SORL1: variants seen among roughly 807,000 people sequenced by gnomAD.
SORL1 encodes the protein sortilin-related receptor.
A neutral mutation model predicts 273.7 loss-of-function variants in SORL1; 127 were observed. That is an observed-to-expected ratio of 0.46 (90% CI 0.40 to 0.54). SORL1 has a LOEUF of 0.54. Ranked by LOEUF, SORL1 falls within the 20% of genes least tolerant of loss-of-function variation. The pLI is 0.00. For synonymous variants in SORL1, 1,031 were observed against 1,067.4 expected (o/e 0.97, Z 0.66); for missense variants, 2,494 against 2,846.1 (o/e 0.88, Z 2.81).
chr11:121,606,282 C>T (rs1863471618), intron 35 of SORL1, among the ~76,000 whole-genome samples: 1 of 152,142 alleles, frequency 6.6e-6, no homozygotes, highest in Non-Finnish European at 1.5e-5. Context: ...TTCCTCGCCT[C>T]CTCCCTACTT....
intron 1 of SORL1, among the ~76,000 whole-genome samples, chr11:121,458,012 G>A (rs1369887323): frequency 6.6e-6 from 1 of 152,220 alleles, no homozygotes; most frequent in Non-Finnish European, 1.5e-5. Flanking sequence ...CATCTTCATA[G>A]TGTCATTGTT....
At chr11:121,589,467 C>A in intron 29 of SORL1, 77 bp downstream of exon 29, 1 of 1,560,654 alleles carries the variant, frequency 6.4e-7, no homozygotes. Context: ...GGACACTCAC[C>A]GGCAACCCCA....
intron 28 of SORL1, 33 bp downstream of exon 28, chr11:121,588,184 G>A (rs373105925): frequency 2.3e-4 from 374 of 1,609,330 alleles, no homozygotes; most frequent in South Asian, 5.4e-4. Context: ...GGTGACTCAC[G>A]GTCACTAAAG....
At chr11:121,528,790 G>A (rs1862160272) in intron 11 of SORL1, among the ~76,000 whole-genome samples, 1 of 152,194 alleles carries the variant, frequency 6.6e-6, no homozygotes, top group African/African-American at 2.4e-5. Flanking sequence ...CCAGCCTGTG[G>A]TCTATATTGT....
At chr11:121,533,717 G>T (rs2134873280) in intron 12 of SORL1, among the ~76,000 whole-genome samples, 1 of 152,292 alleles carries the variant, frequency 6.6e-6, no homozygotes, top group African/African-American at 2.4e-5. Flanking sequence ...TTTGGAAAAA[G>T]AGATCTTAGC....
intron 7 of SORL1, 71 bp from the exon 8 acceptor site, chr11:121,514,081 C>CA: frequency 6.7e-7 from 1 of 1,484,714 alleles, no homozygotes; most frequent in South Asian, 1.3e-5. Flanking sequence ...TCATTGCTTC[C>CA]GTGTGTATAG....
intron 11 of SORL1, among the ~76,000 whole-genome samples, 193 bp from the exon 12 acceptor site, chr11:121,532,271 T>G (rs1353737095): frequency 2.6e-5 from 4 of 152,276 alleles, no homozygotes; most frequent in Non-Finnish European, 5.9e-5. Context: ...TTGCTCCACC[T>G]GTCCCTAGGA....
At chr11:121,592,841 G>T (rs559313676) in intron 31 of SORL1, among the ~76,000 whole-genome samples, 31 of 152,330 alleles carry the variant, frequency 2.0e-4, no homozygotes, top group Admixed American at 9.8e-4. Flanking sequence ...TCTTCAAGTT[G>T]TTTTTGCTTA....
At chr11:121,611,044 G>A (rs759544807) in intron 38 of SORL1, 32 bp from the exon 39 acceptor site, 2 of 1,481,798 alleles carry the variant, frequency 1.3e-6, no homozygotes, top group South Asian at 2.3e-5. Context: ...TCATCACGTG[G>A]CTTCTGTTTT....
chr11:121,621,068 A>T lies in SORL1; in HGVS notation c.5894A>T (p.Tyr1965Phe). The change falls in exon 44 of 48, where the codon TAT (tyrosine) becomes TTT (phenylalanine). Residue 1965 changes from tyrosine (Y) to phenylalanine (F), a missense_variant. Physicochemically the swap from Tyr to Phe is conservative, Grantham distance 22 (BLOSUM62 3). Coordinates refer to ENST00000260197, the MANE Select transcript of SORL1 (RefSeq NM_003105.6). ...PYDSPDQDLL[Y>F]AVAVKDLIRK... ...CTTGTTCTTTTTTGGTCCTAGTTGT[A>T]TGCAGTTGCAGTCAAAGATCTCATA... 1 of 1,604,616 alleles carries T rather than the reference A, an allele frequency of 6.2e-7. No homozygotes were observed. The highest frequency in any genetic ancestry group is 8.5e-7 in the Non-Finnish European group (1 of 1,173,990).
intron 27 of SORL1, 77 bp from the exon 28 acceptor site, chr11:121,587,941 CGT>C: frequency 1.9e-6 from 3 of 1,562,372 alleles, no homozygotes; most frequent in Non-Finnish European, 2.6e-6. Flanking sequence ...CATCTGTACT[CGT>C]GTGCACTTGC....
At chr11:121,597,837 T>G (rs2134911451) in intron 32 of SORL1, among the ~76,000 whole-genome samples, 1 of 152,156 alleles carries the variant, frequency 6.6e-6, no homozygotes, top group African/African-American at 2.4e-5. Context: ...GTAGCAGAAG[T>G]TATCCAAGGA....
intron 43 of SORL1, 145 bp downstream of exon 43, chr11:121,620,062 G>A: frequency 1.5e-6 from 1 of 671,404 alleles, no homozygotes; most frequent in East Asian, 2.6e-5. Flanking sequence ...ATTTCAGTCT[G>A]ACCAAAGATG....
At chr11:121,581,046 G>A (rs1474346987) in intron 25 of SORL1, among the ~76,000 whole-genome samples, 1 of 151,864 alleles carries the variant, frequency 6.6e-6, no homozygotes, top group Non-Finnish European at 1.5e-5. Context: ...ACGAGTAGCT[G>A]GGACTACAGA....
At chr11:121,622,308 A>T (rs760548499) in intron 45 of SORL1, 40 bp downstream of exon 45, 1 of 1,136,226 alleles carries the variant, frequency 8.8e-7, no homozygotes, top group South Asian at 1.3e-5. Flanking sequence ...TGGAAATTTA[A>T]TTGAAATGCT....
At chr11:121,500,996 T>A (rs746409388) in intron 6 of SORL1, among the ~76,000 whole-genome samples, 29 of 152,166 alleles carry the variant, frequency 1.9e-4, no homozygotes, top group Non-Finnish European at 1.5e-4. Context: ...TGCTACAGGG[T>A]GTTGTGGGCT....
At chr11:121,606,603 T>G (rs908804979) in intron 35 of SORL1, among the ~76,000 whole-genome samples, 1 of 152,182 alleles carries the variant, frequency 6.6e-6, no homozygotes, top group Non-Finnish European at 1.5e-5. Flanking sequence ...GCAGCCCTTA[T>G]GAGCCACAAA....
intron 6 of SORL1, among the ~76,000 whole-genome samples, chr11:121,498,447 A>T (rs1252796070): frequency 6.6e-6 from 1 of 152,182 alleles, no homozygotes; most frequent in Non-Finnish European, 1.5e-5. Context: ...TGTGATTTTA[A>T]TTCTGAACTC....
intron 5 of SORL1, among the ~76,000 whole-genome samples, chr11:121,493,684 T>C (rs187893120): frequency 3.7e-4 from 56 of 152,388 alleles, no homozygotes; most frequent in Admixed American, 1.6e-3. Context: ...TATATTTCTA[T>C]CTCCTAGTTT....
Sources: gnomAD v4.1 joint callset for allele counts (sites outside exome capture counted in the v4.1 genomes callset) on GRCh38, gnomAD v4.1.1 for gene constraint, MANE v1.5 for transcripts, NCBI Gene and HGNC (gene_info 2026-07-23, HGNC 2026-07-21) for gene names.